The following AKR1A1 variants were observed in gnomAD, a reference collection of about 807,000 sequenced individuals.
AKR1A1 encodes the protein aldo-keto reductase family 1 member A1, also known as HEL-S-165mP.
In AKR1A1, 26 loss-of-function variants were observed where a neutral mutation model predicts 39.2. The observed-to-expected ratio is 0.66, with a 90% CI of 0.49 to 0.92. The LOEUF (loss-of-function observed/expected upper bound fraction) is 0.92. Ranked by LOEUF, AKR1A1 falls within the 40% of genes least tolerant of loss-of-function variation. The pLI, the probability that AKR1A1 is intolerant of heterozygous loss-of-function variation, is 0.00. For missense variants in AKR1A1, 378 were observed against 406.5 expected, an observed-to-expected ratio of 0.93 and a Z score of 0.60; for synonymous variants, 141 against 155.5, an observed-to-expected ratio of 0.91 and a Z score of 0.69.
At chr1:45,557,418 G>T (rs1237413984) in intron 1 of AKR1A1, among the ~76,000 whole-genome samples, 2 of 152,114 alleles carry the variant, frequency 1.3e-5, no homozygotes, top group African/African-American at 4.8e-5. Flanking sequence ...GGGAGCTCTT[G>T]TTCTTTGCAG....
intron 1 of AKR1A1, among the ~76,000 whole-genome samples, chr1:45,554,605 T>G (rs1644176537): frequency 6.6e-6 from 1 of 152,112 alleles, no homozygotes; most frequent in Non-Finnish European, 1.5e-5. Context: ...GAGAAAATAC[T>G]CTCCTCACCA....
intron 1 of AKR1A1, among the ~76,000 whole-genome samples, chr1:45,557,597 C>T (rs977933745): frequency 3.9e-5 from 6 of 152,178 alleles, no homozygotes; most frequent in South Asian, 2.1e-4. Context: ...CCTTCTCATG[C>T]GTGCTGGGTA....
chr1:45,563,817 T>G (rs1644307625), intron 2 of AKR1A1, among the ~76,000 whole-genome samples: 1 of 152,158 alleles, frequency 6.6e-6, no homozygotes, highest in Non-Finnish European at 1.5e-5. Flanking sequence ...AATAAATAAG[T>G]AACCACTTAA....
At chr1:45,557,229 GA>G (rs1644217237) in intron 1 of AKR1A1, among the ~76,000 whole-genome samples, 1 of 151,860 alleles carries the variant, frequency 6.6e-6, no homozygotes, top group African/African-American at 2.4e-5. Context: ...GAGGGTTTCT[GA>G]ATGCTGCCAA....
intron 1 of AKR1A1, 130 bp downstream of exon 1, chr1:45,551,285 G>A (rs1054849444): frequency 2.7e-5 from 4 of 150,678 alleles, no homozygotes; most frequent in Non-Finnish European, 5.9e-5. Context: ...CTTGGTTTCG[G>A]ATTTGAGCTC....
intron 1 of AKR1A1, among the ~76,000 whole-genome samples, chr1:45,560,868 C>T (rs995007621): frequency 6.6e-6 from 1 of 152,006 alleles, no homozygotes; most frequent in Non-Finnish European, 1.5e-5. Context: ...GCTGGGACTA[C>T]AGGCACCCGC....
chr1:45,560,783 A>G (rs1016110750), intron 1 of AKR1A1, among the ~76,000 whole-genome samples: 1 of 141,818 alleles, frequency 7.1e-6, no homozygotes, highest in Non-Finnish European at 1.5e-5. Flanking sequence ...GCTGGAGTGC[A>G]GTGGTGCAAT....
At position 45,562,391 on chromosome 1, in the gene AKR1A1, G is replaced by A. The variant is rs189486641; in HGVS notation, c.84+513G>A. Among the ~76,000 whole-genome samples, 30 of 149,878 alleles carry A rather than the reference G, an allele frequency of 2.0e-4. No individual in the cohort carries two copies. In the East Asian group the frequency reaches 4.3e-3, roughly 22 times the overall value. Reference sequence around the variant, plus strand: ...GGGTCTCGCTCTGTTGCCCAGGCTGGAGTGCAGTGGCACAATCTTGGCTCA... The same window carrying A: ...GGGTCTCGCTCTGTTGCCCAGGCTGAAGTGCAGTGGCACAATCTTGGCTCA... On this transcript the variant is annotated intron_variant, in intron 2 of 8. Transcript: ENST00000351829.
intron 1 of AKR1A1, among the ~76,000 whole-genome samples, chr1:45,553,526 C>T (rs962990699): frequency 7.9e-5 from 12 of 152,142 alleles, no homozygotes; most frequent in Non-Finnish European, 1.2e-4. Context: ...ATTCTTTTCA[C>T]ATACATCAAG....
chr1:45,565,711 G>A (rs1202036966), intron 2 of AKR1A1, among the ~76,000 whole-genome samples: 2 of 151,766 alleles, frequency 1.3e-5, no homozygotes, highest in Admixed American at 6.6e-5. Flanking sequence ...CTGACCTCAG[G>A]TGATTCACCT....
At chr1:45,568,427 A>G in intron 5 of AKR1A1, 58 bp from the exon 6 acceptor site, 1 of 1,585,932 alleles carries the variant, frequency 6.3e-7, no homozygotes, top group East Asian at 2.2e-5. Context: ...CATGTCTGGG[A>G]TGGGCCAAGC....
At chr1:45,559,414 G>A (rs1644248805) in intron 1 of AKR1A1, among the ~76,000 whole-genome samples, 1 of 152,086 alleles carries the variant, frequency 6.6e-6, no homozygotes, top group Non-Finnish European at 1.5e-5. Context: ...CTGCACTGAA[G>A]TCATGTGTAT....
intron 1 of AKR1A1, among the ~76,000 whole-genome samples, chr1:45,556,408 C>A (rs892254952): frequency 3.3e-5 from 5 of 151,692 alleles, no homozygotes; most frequent in African/African-American, 1.2e-4. Flanking sequence ...GGTGAAACCC[C>A]GTCTCTACTA....
At position 45,568,009 on chromosome 1, in the gene AKR1A1, T is replaced by C. The variant is rs139640774; in HGVS notation, c.384T>C (p.Asn128=). The C allele has an allele frequency of 1.3e-5, 21 of 1,613,618 alleles. No homozygotes were observed. The highest frequency in any genetic ancestry group is 6.8e-6 in the Non-Finnish European group (8 of 1,179,898). Reference sequence around the variant, plus strand: ...GGGGAGACAACCCCTTCCCCAAGAATGCTGATGGGACTATATGCTACGACT... The same window carrying C: ...GGGGAGACAACCCCTTCCCCAAGAACGCTGATGGGACTATATGCTACGACT... ...FERGDNPFPK[N]ADGTICYDST... is the part of the protein sequence containing the mutation. The change falls in exon 5 of 9, where the codon AAT becomes AAC. Residue 128 remains asparagine (N), a synonymous_variant. Transcript: ENST00000351829.
At chr1:45,567,836 A>G (rs1054604860) in intron 4 of AKR1A1, 146 bp from the exon 5 acceptor site, 21 of 795,544 alleles carry the variant, frequency 2.6e-5, no homozygotes, top group Admixed American at 1.2e-4. Flanking sequence ...CAAAAAAAAA[A>G]AAAAAGAAAA....
intron 1 of AKR1A1, among the ~76,000 whole-genome samples, chr1:45,560,725 CTTTTTT>C (rs565611681): frequency 8.7e-6 from 1 of 114,340 alleles, no homozygotes. Context: ...CTCTGCAGTT[CTTTTTT>C]TTTTTTTTTT....
rs368005259 is a variant in AKR1A1 at position 45,568,169 on chromosome 1, G to C, written c.544G>C (p.Val182Leu). The C allele has an allele frequency of 1.2e-6, 2 of 1,612,282 alleles. No homozygotes were observed. The highest frequency in any genetic ancestry group is 1.3e-5 in the African/African-American group (1 of 74,994). Residue 182 changes from valine to leucine, a missense_variant, in exon 5 of 9, where the codon GTC (valine) becomes CTC (leucine). By Grantham distance (32) the Val-to-Leu change is conservative. Coordinates refer to ENST00000351829, the MANE Select transcript of AKR1A1 (RefSeq NM_153326.3). ...ILSVASVRPA[V>L]LQVECHPYLA... ...CAGTGTGGCCTCCGTGCGTCCAGCT[G>C]TCTTGCAGGTAAGGACAGCAAGCAG...
At position 45,566,995 on chromosome 1, in the gene AKR1A1, C is replaced by G; in HGVS notation, c.331C>G (p.Leu111Val). 2 of 1,614,222 alleles carry G rather than the reference C, an allele frequency of 1.2e-6. No individual in the cohort carries two copies. The highest frequency in any genetic ancestry group is 1.1e-5 in the South Asian group (1 of 91,088). Residue 111 changes from leucine (L) to valine (V), a missense_variant, in exon 4 of 9, where the codon CTG (leucine) becomes GTG (valine). Leu to Val is a conservative substitution (Grantham distance 32). Transcript: ENST00000351829. ...DLQLEYLDLYLMHWPYAFERG... is the reference protein window; with the variant it reads ...DLQLEYLDLYVMHWPYAFERG... ...CCAGCTGGAGTATCTGGACCTGTAC[C>G]TGATGCACTGGCCTTATGCCTTTGA...
rs548967998 is a variant in AKR1A1, at chr1:45,567,565, C to T, written c.357-417C>T. On this transcript the variant is annotated intron_variant, in intron 4 of 8. Transcript: ENST00000351829. ...TTTTTTGGCCAGGCGCGGTGGCTCA[C>T]GCCTGTAATCCCAGCACTTTGGGAG... is the stretch of plus-strand genomic sequence containing the variant. 120 of 159,604 alleles carry T rather than the reference C, an allele frequency of 7.5e-4. 1 individual carries two copies. Among genetic ancestry groups the T allele is most frequent in the East Asian group, 3.7e-4 (2 of 5,348 alleles). The allele number at this position is 159,604 out of a possible 1,614,324, so 9.9% of individuals were successfully genotyped here.
Sources: allele counts gnomAD v4.1 joint callset (sites outside exome capture counted in the v4.1 genomes callset), GRCh38; gene constraint gnomAD v4.1.1; transcripts MANE v1.5; gene names NCBI Gene and HGNC (gene_info 2026-07-23, HGNC 2026-07-21).